ZFAND3: variants seen among roughly 807,000 people sequenced by gnomAD.
ZFAND3 encodes the protein AN1-type zinc finger protein 3.
Under a neutral mutation model 29.6 loss-of-function variants are expected in ZFAND3, and 10 were observed. The ratio of observed to expected loss-of-function variants is 0.34; its 90% CI spans 0.21 to 0.57. The LOEUF is 0.57. ZFAND3 is among the 20% of genes least tolerant of loss of function. The pLI, the probability that ZFAND3 is intolerant of heterozygous loss-of-function variation, is 0.86. For missense variants in ZFAND3, 230 were observed against 304.5 expected (o/e 0.76, Z 1.82); for synonymous variants, 128 against 112.6 (o/e 1.14, Z -0.87).
At chr6:38,103,450 T>C (rs1224185785) in intron 4 of ZFAND3, among the ~76,000 whole-genome samples, 6 of 38,578 alleles carry the variant, frequency 1.6e-4, no homozygotes, top group East Asian at 2.0e-3. Context: ...TGTATATATA[T>C]ACACACATAT....
At chr6:37,984,010 T>C (rs2127433433) in intron 2 of ZFAND3, among the ~76,000 whole-genome samples, 1 of 152,360 alleles carries the variant, frequency 6.6e-6, no homozygotes, top group Non-Finnish European at 1.5e-5. Flanking sequence ...TCCTTCACTG[T>C]AGGTGATTCC....
intron 5 of ZFAND3, among the ~76,000 whole-genome samples, chr6:38,150,163 A>G (rs897248070): frequency 1.3e-5 from 2 of 152,214 alleles, no homozygotes; most frequent in Non-Finnish European, 2.9e-5. Context: ...CTGGTATCCA[A>G]TATCTTCGAG....
chr6:37,866,184 A>G (rs1764588026), intron 1 of ZFAND3, among the ~76,000 whole-genome samples: 1 of 152,222 alleles, frequency 6.6e-6, no homozygotes, highest in South Asian at 2.1e-4. Context: ...CCAGGTGGAT[A>G]GTAGGAGAGT....
chr6:38,018,078 A>G (rs956135040), intron 2 of ZFAND3, among the ~76,000 whole-genome samples: 1 of 152,224 alleles, frequency 6.6e-6, no homozygotes, highest in Non-Finnish European at 1.5e-5. Flanking sequence ...TTATCTTAAT[A>G]TAATATGAGT....
chr6:38,010,904 CTT>C (rs35362297), intron 2 of ZFAND3, among the ~76,000 whole-genome samples: 27 of 131,024 alleles, frequency 2.1e-4, no homozygotes, highest in Admixed American at 1.6e-4. Context: ...CCCGGCCCAA[CTT>C]TTTTTTTTTT....
intron 1 of ZFAND3, among the ~76,000 whole-genome samples, chr6:37,853,921 C>G (rs9357257): frequency 0.056 from 8,491 of 152,144 alleles, 636 homozygotes; most frequent in East Asian, 0.38. Flanking sequence ...AACTGAAACA[C>G]ATAAAAATAG....
chr6:37,979,431 G>T (rs2645126), intron 2 of ZFAND3, among the ~76,000 whole-genome samples: 132,420 of 152,206 alleles, frequency 0.87, 58,418 homozygotes, highest in East Asian at 0.96. Flanking sequence ...AGCTTTGTTC[G>T]AAGATGCAGT....
chr6:37,884,488 C>G (rs1186615569), intron 1 of ZFAND3, among the ~76,000 whole-genome samples: 1 of 86,992 alleles, frequency 1.1e-5, no homozygotes, highest in African/African-American at 6.3e-5. Flanking sequence ...GAGCGAAACT[C>G]TAGCTCAAAA....
chr6:37,911,600 A>T (rs989909286), intron 1 of ZFAND3, among the ~76,000 whole-genome samples: 17 of 152,168 alleles, frequency 1.1e-4, no homozygotes, highest in Admixed American at 1.1e-3. Context: ...GCTTGGCAGT[A>T]TGTCTTTTGA....
intron 4 of ZFAND3, 49 bp downstream of exon 4, chr6:38,082,506 A>G (rs1451672133): frequency 1.3e-6 from 2 of 1,567,200 alleles, no homozygotes; most frequent in Non-Finnish European, 1.7e-6. Flanking sequence ...AATTCTTCAC[A>G]GAAGTTAGCA....
At position 37,819,898 on chromosome 6, in the gene ZFAND3, A is replaced by AGCCGCCGCCACCGCT. The variant is rs1561899546; in HGVS notation, c.-38_-24dup. On this transcript the variant is annotated 5_prime_UTR_variant, in exon 1 of 6. Transcript: ENST00000287218. ...CCTCCTCAGAGCGGGGCCCGGGCCC[A>AGCCGCCGCCACCGCT]GCCGCCGCCACCGCTGCCGCCGCCG... 5.2e-6 allele frequency: 6 copies of AGCCGCCGCCACCGCT among 1,144,898 alleles called. No individual in the cohort carries two copies. Among genetic ancestry groups the AGCCGCCGCCACCGCT allele is most frequent in the Admixed American group, 4.7e-5 (1 of 21,272 alleles). The allele number at this position is 1,144,898 out of a possible 1,614,324, so 70.9% of individuals were successfully genotyped here.
chr6:37,864,684 TA>T (rs943848112), intron 1 of ZFAND3, among the ~76,000 whole-genome samples: 87 of 147,964 alleles, frequency 5.9e-4, no homozygotes, highest in African/African-American at 2.1e-3. Context: ...TGTGTGTATA[TA>T]TGTATATATG....
intron 5 of ZFAND3, among the ~76,000 whole-genome samples, chr6:38,151,043 G>A (rs1455877922): frequency 3.9e-5 from 6 of 152,324 alleles, no homozygotes; most frequent in South Asian, 2.1e-4. Context: ...CCAGCGTTTT[G>A]AAAGAGGCGG....
intron 5 of ZFAND3, among the ~76,000 whole-genome samples, chr6:38,124,200 A>G (rs991553904): frequency 6.6e-6 from 1 of 152,204 alleles, no homozygotes; most frequent in African/African-American, 2.4e-5. Context: ...GTGTATTTGC[A>G]ATCCCTTAGC....
At chr6:37,888,481 T>TC (rs1218772462) in intron 1 of ZFAND3, among the ~76,000 whole-genome samples, 1 of 152,218 alleles carries the variant, frequency 6.6e-6, no homozygotes, top group Non-Finnish European at 1.5e-5. Flanking sequence ...CTTAATTTTT[T>TC]CACTTAATTT....
chr6:37,978,880 G>A (rs1160402516), intron 2 of ZFAND3, among the ~76,000 whole-genome samples: 1 of 151,912 alleles, frequency 6.6e-6, no homozygotes, highest in Admixed American at 6.6e-5. Flanking sequence ...GGCCAGGCTG[G>A]CCAGCATTTT....
intron 2 of ZFAND3, among the ~76,000 whole-genome samples, chr6:37,935,222 T>C (rs577085028): frequency 6.6e-6 from 1 of 152,334 alleles, no homozygotes; most frequent in South Asian, 2.1e-4. Flanking sequence ...GGATGGTATG[T>C]AAGCACCCTG....
chr6:37,904,740 G>A (rs1765378613), intron 1 of ZFAND3, among the ~76,000 whole-genome samples: 1 of 152,174 alleles, frequency 6.6e-6, no homozygotes, highest in African/African-American at 2.4e-5. Context: ...AGTGACTCAT[G>A]TCCCTGCTAA....
Position 38,099,182 on chromosome 6 carries a change from G to A in ZFAND3, c.361+16725G>A, listed in dbSNP as rs538716661. Among the ~76,000 whole-genome samples the A allele has an allele frequency of 1.3e-3, 197 of 152,272 alleles. 2 individuals carry two copies. The highest frequency in any genetic ancestry group is 4.5e-3 in the African/African-American group (189 of 41,552). On this transcript the variant is annotated intron_variant, in intron 4 of 5. Coordinates refer to ENST00000287218, the MANE Select transcript of ZFAND3 (RefSeq NM_021943.3). Reference sequence around the variant, plus strand: ...TTGCGATTAAAATCTGGGTAAGAAAGACTGGCTGTTGCATCCAAACCAACA... The same window carrying A: ...TTGCGATTAAAATCTGGGTAAGAAAAACTGGCTGTTGCATCCAAACCAACA...
Sources: allele counts gnomAD v4.1 joint callset (sites outside exome capture counted in the v4.1 genomes callset), GRCh38; gene constraint gnomAD v4.1.1; transcripts MANE v1.5; gene names NCBI Gene and HGNC (gene_info 2026-07-23, HGNC 2026-07-21).